SINHCAF: variants seen among roughly 807,000 people sequenced by gnomAD.
SINHCAF encodes the protein SIN3-HDAC complex-associated factor.
A neutral mutation model predicts 25.8 loss-of-function variants in SINHCAF; 3 were observed. That is an observed-to-expected ratio of 0.12 (90% CI 0.05 to 0.30). The LOEUF is 0.30. Among genes scored for constraint, SINHCAF ranks in the 10% least tolerant of loss-of-function variants. The pLI, the probability that SINHCAF is intolerant of heterozygous loss-of-function variation, is 1.00. For synonymous variants in SINHCAF, 70 were observed against 85.5 expected, an observed-to-expected ratio of 0.82 and a Z score of 1.00; for missense variants, 121 against 262.3, an observed-to-expected ratio of 0.46 and a Z score of 3.72.
rs370799343 is a variant in SINHCAF at position 31,311,131 on chromosome 12, T to C, written c.-20-12907A>G. 7.3e-4 allele frequency among the ~76,000 whole-genome samples: 111 copies of C among 152,276 alleles called. 2 individuals carry two copies. In the East Asian group the frequency reaches 0.019, roughly 26 times the overall value. ...ATCCACCCGCCTTGGCCTCCCAAAG[T>C]GTCCGGCCGTAATCTATGATCTTTT... On this transcript the variant is annotated intron_variant, in intron 1 of 5. Coordinates refer to ENST00000337682, the MANE Select transcript of SINHCAF (RefSeq NM_001135812.2).
intron 1 of SINHCAF, among the ~76,000 whole-genome samples, chr12:31,311,084 G>A (rs1227260925): frequency 6.6e-6 from 1 of 152,206 alleles, no homozygotes; most frequent in East Asian, 1.9e-4. Context: ...GGCCAGGCTG[G>A]CCTCGAACTC....
intron 1 of SINHCAF, among the ~76,000 whole-genome samples, chr12:31,320,876 C>T (rs1042404590): frequency 4.6e-5 from 7 of 152,014 alleles, no homozygotes; most frequent in African/African-American, 1.7e-4. Flanking sequence ...GAAATGAGAG[C>T]TACTTCAACT....
intron 1 of SINHCAF, among the ~76,000 whole-genome samples, chr12:31,306,054 G>A (rs1939013627): frequency 6.6e-6 from 1 of 152,188 alleles, no homozygotes; most frequent in African/African-American, 2.4e-5. Context: ...CCCTATTGCT[G>A]TGAAGTTCAA....
Position 31,281,462 on chromosome 12 carries a change from TCA to T in SINHCAF, c.*1248_*1249del, listed in dbSNP as rs1488495608. 6.6e-6 allele frequency: 1 copy of T among 152,178 alleles called. No individual in the cohort carries two copies. The highest frequency in any genetic ancestry group is 1.5e-5 in the Non-Finnish European group (1 of 68,028). The allele number at this position is 152,178 out of a possible 1,614,324, so 9.4% of individuals were successfully genotyped here. ...ACCCATTCTACACAGATAAAAACCT[TCA>T]CAAAGGTCAACTGAAGTAATCCAGA... On this transcript the variant is annotated 3_prime_UTR_variant, in exon 6 of 6. Transcript: ENST00000337682.
intron 4 of SINHCAF, among the ~76,000 whole-genome samples, chr12:31,289,281 G>A (rs1938208735): frequency 1.3e-5 from 2 of 152,236 alleles, no homozygotes; most frequent in African/African-American, 4.8e-5. Flanking sequence ...GAAATTTGGC[G>A]AGACATAAAC....
At chr12:31,321,628 A>G (rs553274089) in intron 1 of SINHCAF, among the ~76,000 whole-genome samples, 1 of 152,344 alleles carries the variant, frequency 6.6e-6, no homozygotes, top group East Asian at 1.9e-4. Context: ...AAGTGACTAT[A>G]AGATGATGAC....
intron 1 of SINHCAF, among the ~76,000 whole-genome samples, chr12:31,315,500 T>C (rs1319701694): frequency 6.6e-6 from 1 of 152,246 alleles, no homozygotes; most frequent in African/African-American, 2.4e-5. Context: ...ACACCATCTA[T>C]CATCATCTAT....
At chr12:31,287,530 T>G in intron 5 of SINHCAF, 104 bp downstream of exon 5, 1 of 818,332 alleles carries the variant, frequency 1.2e-6, no homozygotes, top group South Asian at 2.6e-5. Flanking sequence ...CAATCGTGTG[T>G]TACCAACTGT....
intron 4 of SINHCAF, among the ~76,000 whole-genome samples, chr12:31,291,716 A>G (rs1201059471): frequency 1.3e-5 from 2 of 152,060 alleles, no homozygotes; most frequent in East Asian, 3.9e-4. Flanking sequence ...GTGAGCTGAG[A>G]TCCGTGCCAC....
chr12:31,292,893 G>A (rs902058011), intron 4 of SINHCAF, among the ~76,000 whole-genome samples: 1 of 152,046 alleles, frequency 6.6e-6, no homozygotes, highest in African/African-American at 2.4e-5. Flanking sequence ...CTCTAACAGG[G>A]CCCTATAGAT....
At chr12:31,317,958 C>G (rs191855778) in intron 1 of SINHCAF, among the ~76,000 whole-genome samples, 5 of 152,252 alleles carry the variant, frequency 3.3e-5, no homozygotes, top group Admixed American at 3.3e-4. Context: ...AACTAGAAAT[C>G]ATGATGATGG....
intron 1 of SINHCAF, among the ~76,000 whole-genome samples, chr12:31,309,002 T>C (rs1198784925): frequency 9.9e-5 from 15 of 151,490 alleles, no homozygotes; most frequent in Admixed American, 6.6e-4. Flanking sequence ...GTGGTACACA[T>C]CTGTAATCCT....
intron 1 of SINHCAF, among the ~76,000 whole-genome samples, chr12:31,313,422 T>C (rs1939361766): frequency 6.6e-6 from 1 of 152,246 alleles, no homozygotes; most frequent in Non-Finnish European, 1.5e-5. Flanking sequence ...CATATAATTG[T>C]ATATTATCCA....
intron 5 of SINHCAF, among the ~76,000 whole-genome samples, chr12:31,286,262 T>C (rs1938059481): frequency 6.6e-6 from 1 of 152,198 alleles, no homozygotes; most frequent in South Asian, 2.1e-4. Context: ...AGTTTCCTTC[T>C]ATTCCTATTT....
At chr12:31,284,537 ACT>A (rs925265114) in intron 5 of SINHCAF, among the ~76,000 whole-genome samples, 1 of 151,854 alleles carries the variant, frequency 6.6e-6, no homozygotes, top group Non-Finnish European at 1.5e-5. Context: ...ATGCTTAAGT[ACT>A]CTGTCATAAA....
Position 31,325,898 on chromosome 12 carries a change from A to G in SINHCAF, c.-21+126T>C, listed in dbSNP as rs1939957730. The G allele has an allele frequency of 6.6e-6, 1 of 152,162 alleles. No homozygotes were observed. The highest frequency in any genetic ancestry group is 2.4e-5 in the African/African-American group (1 of 41,394). The allele number at this position is 152,162 out of a possible 1,614,324, so 9.4% of individuals were successfully genotyped here. ...TCCCAACAATGCCACCTCCAAGACA[A>G]AACTTCCTGTGTGTATGTGGAAGGA... On this transcript the variant is annotated intron_variant, in intron 1 of 5. Coordinates refer to ENST00000337682, the MANE Select transcript of SINHCAF (RefSeq NM_001135812.2). The surrounding 1 kb of genome is among the most constrained non-coding windows in gnomAD (Gnocchi z 5.9).
At chr12:31,314,739 A>G (rs1592987701) in intron 1 of SINHCAF, among the ~76,000 whole-genome samples, 1 of 152,130 alleles carries the variant, frequency 6.6e-6, no homozygotes. Context: ...TAGTTTCCCC[A>G]TTCTGGTTGC....
At chr12:31,317,803 A>C (rs2137133498) in intron 1 of SINHCAF, among the ~76,000 whole-genome samples, 1 of 152,314 alleles carries the variant, frequency 6.6e-6, no homozygotes, top group African/African-American at 2.4e-5. Context: ...CTAAATACAC[A>C]CAGAGCAGAA....
intron 5 of SINHCAF, among the ~76,000 whole-genome samples, chr12:31,286,903 A>C (rs893292967): frequency 4.6e-5 from 7 of 152,082 alleles, no homozygotes; most frequent in Admixed American, 2.6e-4. Context: ...CAACTTGCCT[A>C]TTGTGGTTTG....
Sources: gnomAD v4.1 joint callset for allele counts (sites outside exome capture counted in the v4.1 genomes callset) on GRCh38, gnomAD v4.1.1 for gene constraint, Gnocchi (gnomAD v3.1) non-coding constraint, MANE v1.5 for transcripts, NCBI Gene and HGNC (gene_info 2026-07-23, HGNC 2026-07-21) for gene names.